The following SKAP2 variants were observed in gnomAD, a reference collection of about 807,000 sequenced individuals.
SKAP2 encodes the protein src kinase associated phosphoprotein 2, also known as src kinase-associated phosphoprotein 2.
In SKAP2, 28 loss-of-function variants were observed where a neutral mutation model predicts 54.9. The ratio of observed to expected loss-of-function variants is 0.51; its 90% CI spans 0.38 to 0.70. SKAP2 has a LOEUF of 0.70. Ranked by LOEUF, SKAP2 falls within the 30% of genes least tolerant of loss-of-function variation. The pLI, the probability that SKAP2 is intolerant of heterozygous loss-of-function variation, is 0.00. For missense variants in SKAP2, 356 were observed against 424.1 expected (o/e 0.84, Z 1.41); for synonymous variants, 137 against 134.3 (o/e 1.02, Z -0.14).
intron 4 of SKAP2, among the ~76,000 whole-genome samples, chr7:26,821,309 T>C (rs1784379871): frequency 6.6e-6 from 1 of 152,106 alleles, no homozygotes; most frequent in Non-Finnish European, 1.5e-5. Context: ...CACATCAACA[T>C]TCAAATGAAC....
intron 9 of SKAP2, among the ~76,000 whole-genome samples, chr7:26,720,877 A>G (rs1787563905): frequency 6.6e-6 from 1 of 152,148 alleles, no homozygotes; most frequent in Admixed American, 6.5e-5. Flanking sequence ...TTTTATGGGT[A>G]CTACAATTCA....
chr7:26,857,801 A>C, intron 1 of SKAP2: 3 of 903,318 alleles, frequency 3.3e-6, no homozygotes, highest in Non-Finnish European at 4.0e-6. Flanking sequence ...TGGGCGAATC[A>C]AGTGTTCCTC....
chr7:26,725,518 A>G lies in SKAP2; in HGVS notation c.706T>C (p.Leu236=). 2 of 1,611,096 alleles carry G rather than the reference A, an allele frequency of 1.2e-6. No individual in the cohort carries two copies. Among genetic ancestry groups the G allele is most frequent in the Non-Finnish European group, 1.7e-6 (2 of 1,178,934 alleles). Residue 236 remains leucine, a synonymous_variant, in exon 9 of 13, where the codon TTA becomes CTA. Coordinates refer to ENST00000345317, the MANE Select transcript of SKAP2 (RefSeq NM_003930.5). ...IPEDYDERGE[L]YDDVDHPLPI... ...AGAGGATGATCAACATCATCATATA[A>G]TTCTCCTCTCTCATCATAATCCTCA...
chr7:26,714,765 T>C (rs544720702), intron 9 of SKAP2, among the ~76,000 whole-genome samples: 1 of 152,220 alleles, frequency 6.6e-6, no homozygotes, highest in East Asian at 1.9e-4. Flanking sequence ...CATATGTGTG[T>C]ATTTTTTTTT....
chr7:26,817,380 G>A (rs953899470), intron 4 of SKAP2, among the ~76,000 whole-genome samples: 4 of 151,846 alleles, frequency 2.6e-5, no homozygotes, highest in Admixed American at 2.0e-4. Flanking sequence ...TCATGATAAC[G>A]GACACTATTA....
intron 4 of SKAP2, among the ~76,000 whole-genome samples, chr7:26,808,382 A>T (rs1784071149): frequency 6.6e-6 from 1 of 152,240 alleles, no homozygotes; most frequent in South Asian, 2.1e-4. Flanking sequence ...CAAATACAGT[A>T]TGACTTTACT....
intron 4 of SKAP2, among the ~76,000 whole-genome samples, chr7:26,834,708 C>T (rs998695766): frequency 6.6e-6 from 1 of 152,032 alleles, no homozygotes; most frequent in Admixed American, 6.6e-5. Flanking sequence ...AATTAACAGC[C>T]TACCAACCAA....
intron 4 of SKAP2, among the ~76,000 whole-genome samples, chr7:26,829,312 C>T (rs1413415972): frequency 6.6e-6 from 1 of 152,098 alleles, no homozygotes; most frequent in Non-Finnish European, 1.5e-5. Flanking sequence ...GTGAAAGGAT[C>T]GCTTGAGCCC....
intron 9 of SKAP2, among the ~76,000 whole-genome samples, chr7:26,715,548 G>T (rs953498207): frequency 6.6e-6 from 1 of 152,004 alleles, no homozygotes; most frequent in Non-Finnish European, 1.5e-5. Flanking sequence ...AAGCCGAGGC[G>T]GGTGGATCAC....
At chr7:26,733,611 T>C (rs181570856) in intron 6 of SKAP2, among the ~76,000 whole-genome samples, 202 of 152,220 alleles carry the variant, frequency 1.3e-3, no homozygotes, top group African/African-American at 4.6e-3. Flanking sequence ...ATATGTCCTC[T>C]TTTTTTCCTA....
intron 6 of SKAP2, among the ~76,000 whole-genome samples, chr7:26,735,995 A>G (rs1787926241): frequency 6.6e-6 from 1 of 152,226 alleles, no homozygotes; most frequent in Non-Finnish European, 1.5e-5. Flanking sequence ...GCAAAGTAAA[A>G]GGGAAAAATT....
chr7:26,797,773 T>G (rs1783813846), intron 4 of SKAP2, among the ~76,000 whole-genome samples: 1 of 151,752 alleles, frequency 6.6e-6, no homozygotes, highest in African/African-American at 2.4e-5. Context: ...TCAAAGAAAT[T>G]CAAGATAACA....
rs141513488 is a variant in SKAP2, at chr7:26,743,863, G to A, written c.308-3899C>T. On this transcript the variant is annotated intron_variant, in intron 4 of 12. Transcript: ENST00000345317. Reference sequence around the variant, plus strand: ...AAGTGCCTATATTCCCAGCAATTCAGGGAAAAAGGCAATAGTGAAATCCAA... The same window carrying A: ...AAGTGCCTATATTCCCAGCAATTCAAGGAAAAAGGCAATAGTGAAATCCAA... Among the ~76,000 whole-genome samples, 72 of 152,202 alleles carry A rather than the reference G, an allele frequency of 4.7e-4. 1 individual carries two copies. The East Asian group carries it at 0.011, about 24-fold the overall frequency.
chr7:26,744,038 C>T (rs1203540095), intron 4 of SKAP2, among the ~76,000 whole-genome samples: 1 of 152,030 alleles, frequency 6.6e-6, no homozygotes, highest in Non-Finnish European at 1.5e-5. Flanking sequence ...AGTATGGATA[C>T]TAGAATTTCA....
chr7:26,671,105 G>A (rs557791073), intron 11 of SKAP2, among the ~76,000 whole-genome samples: 7 of 151,914 alleles, frequency 4.6e-5, no homozygotes, highest in East Asian at 1.9e-4. Flanking sequence ...CTCCATAACC[G>A]GTCTCATATG....
rs1784875930 is a variant in SKAP2, at chr7:26,844,141, T to TC, written c.200-5_200-4insG. On this transcript the variant is annotated splice_region_variant and splice_polypyrimidine_tract_variant and intron_variant, in intron 3 of 12. Transcript: ENST00000345317. ...TCTTCCCCATCTTCTGCATCACCTG[T>TC]TAAAAAAAAAAAAAATCAGAGAACT... 1.3e-6 allele frequency: 2 copies of TC among 1,524,590 alleles called. No individual in the cohort carries two copies. Among genetic ancestry groups the TC allele is most frequent in the Admixed American group, 1.8e-5 (1 of 54,188 alleles). 94.4% of individuals were successfully genotyped at this position (1,524,590 alleles called of 1,614,324 possible).
intron 7 of SKAP2, among the ~76,000 whole-genome samples, 159 bp from the exon 8 acceptor site, chr7:26,726,145 A>G (rs1787703395): frequency 6.6e-6 from 1 of 152,120 alleles, no homozygotes; most frequent in Non-Finnish European, 1.5e-5. Flanking sequence ...AATTTTGACA[A>G]ATTTATGCAA....
intron 4 of SKAP2, among the ~76,000 whole-genome samples, chr7:26,843,046 C>T (rs1343737504): frequency 1.3e-5 from 2 of 151,986 alleles, no homozygotes; most frequent in African/African-American, 4.8e-5. Context: ...ATCACTTATG[C>T]ATGTACTTGA....
At chr7:26,717,508 T>A (rs1425674243) in intron 9 of SKAP2, among the ~76,000 whole-genome samples, 3 of 8,264 alleles carry the variant, frequency 3.6e-4, no homozygotes, top group Non-Finnish European at 4.6e-4. Flanking sequence ...AGACCCCATC[T>A]CAAAAAAAAA....
Sources: allele counts gnomAD v4.1 joint callset (sites outside exome capture counted in the v4.1 genomes callset), GRCh38; gene constraint gnomAD v4.1.1; transcripts MANE v1.5; gene names NCBI Gene and HGNC (gene_info 2026-07-23, HGNC 2026-07-21).